Variants in TNXB observed in about 807,000 individuals in gnomAD.
TNXB encodes tenascin-X.
Under a neutral mutation model 340.5 loss-of-function variants are expected in TNXB, and 183 were observed. The ratio of observed to expected loss-of-function variants is 0.54; its 90% confidence interval spans 0.48 to 0.61. The LOEUF (loss-of-function observed/expected upper bound fraction) is 0.61, where lower values mean the gene tolerates loss of function less well. Ranked by LOEUF, TNXB falls within the 20% of genes least tolerant of loss-of-function variation. The pLI, the probability that TNXB is intolerant of heterozygous loss-of-function variation, is 0.00. For synonymous variants in TNXB, 2,121 were observed against 2,314.5 expected (o/e 0.92, Z 2.40); for missense variants, 4,613 against 5,446.4 (o/e 0.85, Z 4.82).
chr6:32,099,737 A>C (rs867667458), intron 1 of TNXB, among the ~76,000 whole-genome samples: 22 of 152,066 alleles, frequency 1.4e-4, no homozygotes, highest in Non-Finnish European at 2.2e-4. Context: ...AAAAAAAAAA[A>C]ACAAAAATCC....
At chr6:32,041,653 G>C in intron 43 of TNXB, 118 bp downstream of exon 43, 1 of 1,141,654 alleles carries the variant, frequency 8.8e-7, no homozygotes, top group Non-Finnish European at 1.3e-6. Context: ...TGCGAGGCTG[G>C]CATGATTGTT....
chr6:32,047,079 G>A lies in TNXB; in HGVS notation c.10325-623C>T, dbSNP rs148702503. 5.4e-3 allele frequency among the ~76,000 whole-genome samples: 817 copies of A among 152,368 alleles called. 3 individuals are homozygous for A. The highest frequency in any genetic ancestry group is 0.01 in the Middle Eastern group (3 of 294). On this transcript the variant is annotated intron_variant, in intron 30 of 43. Transcript: ENST00000644971. The surrounding 1 kb of genome is among the most constrained non-coding windows in gnomAD (Gnocchi z 6.2). ...CAGAGGGCAGAGCAGAGGCTTGCCC[G>A]GGTGGGGCTGGGGCCGATGGGTGGG... is the stretch of plus-strand genomic sequence containing the variant.
chr6:32,095,779 A>T lies in TNXB; in HGVS notation c.2074T>A (p.Cys692Ser). The change falls in exon 3 of 44, where the codon TGC becomes AGC. Residue 692 changes from cysteine (C) to serine (S), a missense_variant. Around this residue, in one of 7 missense-constraint regions of TNXB, gnomAD observed 4,327 missense variants for 4,859.4 expected, o/e 0.89. Transcript: ENST00000644971. ...GCCCGGCACAGTTCCCGGGGCCCGCAGCCTCCAGGGCAGGCGCTGGCTGGA... is the reference window on the plus strand; with the variant it reads ...GCCCGGCACAGTTCCCGGGGCCCGCTGCCTCCAGGGCAGGCGCTGGCTGGA... ...EPPASACPGG[C>S]GPRELCRAGQ... 6.2e-7 allele frequency: 1 copy of T among 1,613,602 alleles called. No individual in the cohort carries two copies. Among genetic ancestry groups the T allele is most frequent in the South Asian group, 1.1e-5 (1 of 91,050 alleles).
intron 26 of TNXB, among the ~76,000 whole-genome samples, chr6:32,050,819 T>C (rs968432730): frequency 4.6e-5 from 7 of 152,222 alleles, no homozygotes; most frequent in African/African-American, 1.7e-4. Context: ...CGATCCTAGT[T>C]TGAGCCACTG....
rs764965013 is a variant in TNXB at position 32,046,425 on chromosome 6, C to T, written c.10356G>A (p.Leu3452=). ...TCTCCTCAGCCACGGTCAGTTCCCC[C>T]AGGTGGGGAGGTAGCTCCTTCTCCA... The part of the protein sequence containing the change: ...APLEKELPPH[L]GELTVAEETS... The change falls in exon 31 of 44, where the codon CTG becomes CTA. Residue 3452 remains leucine, a synonymous_variant. Coordinates refer to ENST00000644971, the MANE Select transcript of TNXB (RefSeq NM_001365276.2). The surrounding 1 kb of genome is among the most constrained non-coding windows in gnomAD (Gnocchi z 6.9). 1.5e-5 allele frequency: 23 copies of T among 1,576,840 alleles called. No individual in the cohort carries two copies. The highest frequency in any genetic ancestry group is 1.9e-5 in the Non-Finnish European group (22 of 1,154,410).
At chr6:32,094,143 A>T (rs553001150) in intron 4 of TNXB, among the ~76,000 whole-genome samples, 5 of 147,800 alleles carry the variant, frequency 3.4e-5, no homozygotes, top group Non-Finnish European at 6.0e-5. Flanking sequence ...TTGGAGGGAG[A>T]CAGAGAAAAA....
chr6:32,106,558 T>G (rs914843342), intron 1 of TNXB, among the ~76,000 whole-genome samples: 2 of 152,080 alleles, frequency 1.3e-5, no homozygotes, highest in African/African-American at 4.8e-5. Flanking sequence ...TTCTCCTGGA[T>G]CAGAGAAAAA....
chr6:32,084,114 A>G lies in TNXB; in HGVS notation c.3445+299T>C, dbSNP rs1474604438. Among the ~76,000 whole-genome samples the G allele has an allele frequency of 6.6e-6, 1 of 152,150 alleles. No homozygotes were observed. Among genetic ancestry groups the G allele is most frequent in the Non-Finnish European group, 1.5e-5 (1 of 68,012 alleles). ...CCCAAGCCCCTCAGCACAGCACAGGAAGCCCTGAGACCAGGCCCTTTGGCA... is the reference window on the plus strand; with the variant it reads ...CCCAAGCCCCTCAGCACAGCACAGGGAGCCCTGAGACCAGGCCCTTTGGCA... On this transcript the variant is annotated intron_variant, in intron 8 of 43. Transcript: ENST00000644971. The surrounding 1 kb of genome is among the most constrained non-coding windows in gnomAD (Gnocchi z 5.5).
intron 4 of TNXB, 69 bp downstream of exon 4, chr6:32,095,007 C>G: frequency 7.6e-7 from 1 of 1,307,430 alleles, no homozygotes; most frequent in Non-Finnish European, 1.1e-6. Flanking sequence ...GGAACTTCCT[C>G]CAGGAGGTGA....
chr6:32,067,076 AAAAG>A lies in TNXB; in HGVS notation c.6544+581_6544+584del. Among the ~76,000 whole-genome samples the A allele has an allele frequency of 1.1e-5, 1 of 89,134 alleles. No individual in the cohort carries two copies. Among genetic ancestry groups the A allele is most frequent in the South Asian group, 5.2e-4 (1 of 1,906 alleles). 58.5% of individuals were successfully genotyped at this position (89,134 alleles called of 152,430 possible). ...AGGCGACAGAGTGAGACCTTGTCTA[AAAAG>A]AAAGAAAGAAAAGAATGAAAGAAAG... On this transcript the variant is annotated intron_variant, in intron 18 of 43. Transcript: ENST00000644971. The surrounding 1 kb of genome is among the most constrained non-coding windows in gnomAD (Gnocchi z 4.2).
At position 32,049,165 on chromosome 6, in the gene TNXB, A is replaced by G; in HGVS notation, c.9757+105T>C. The G allele has an allele frequency of 1.4e-6, 2 of 1,414,554 alleles. No homozygotes were observed. The highest frequency in any genetic ancestry group is 1.5e-5 in the South Asian group (1 of 68,278). The allele number at this position is 1,414,554 out of a possible 1,614,324, so 87.6% of individuals were successfully genotyped here. On this transcript the variant is annotated intron_variant, in intron 28 of 43. Coordinates refer to ENST00000644971, the MANE Select transcript of TNXB (RefSeq NM_001365276.2). The surrounding 1 kb of genome is among the most constrained non-coding windows in gnomAD (Gnocchi z 4.5). ...GATCATTAGCAACATGGGAGAAAAG[A>G]CAGAAACCTAGAGGCCCAGTCAAAA... is the stretch of plus-strand genomic sequence containing the variant.
chr6:32,068,191 A>G lies in TNXB; in HGVS notation c.6220+199T>C, dbSNP rs1168071224. Among the ~76,000 whole-genome samples the G allele has an allele frequency of 2.0e-5, 3 of 152,112 alleles. No homozygotes were observed. The highest frequency in any genetic ancestry group is 2.9e-5 in the Non-Finnish European group (2 of 67,994). On this transcript the variant is annotated intron_variant, in intron 17 of 43. Coordinates refer to ENST00000644971, the MANE Select transcript of TNXB (RefSeq NM_001365276.2). This position sits in a 1 kb window ranked among gnomAD's most constrained non-coding sequence, Gnocchi z 5.3. Reference sequence around the variant, plus strand: ...CCTGGGACAGCCACCAGCACAGCAAAATTCCCGATGGCCCCTCTCTGTTCA... The same window carrying G: ...CCTGGGACAGCCACCAGCACAGCAAGATTCCCGATGGCCCCTCTCTGTTCA...
At chr6:32,093,773 G>T (rs963186219) in intron 4 of TNXB, among the ~76,000 whole-genome samples, 2 of 152,102 alleles carry the variant, frequency 1.3e-5, no homozygotes, top group Non-Finnish European at 2.9e-5. Flanking sequence ...TTGTCCTTAG[G>T]GTGTTCCCTC....
Position 32,088,848 on chromosome 6 carries a change from C to A in TNXB, c.2716G>T (p.Val906Leu), listed in dbSNP as rs189944258. The A allele has an allele frequency of 5.0e-4, 791 of 1,584,344 alleles. 11 individuals are homozygous for A. In the African/African-American group the frequency reaches 8.9e-3, roughly 18 times the overall value. Residue 906 changes from valine (V) to leucine (L), a missense_variant, in exon 6 of 44, where the codon GTG (valine) becomes TTG (leucine). Val to Leu is a conservative substitution (Grantham distance 32). Around this residue, in one of 7 missense-constraint regions of TNXB, gnomAD observed 4,327 missense variants for 4,859.4 expected, o/e 0.89. Coordinates refer to ENST00000644971, the MANE Select transcript of TNXB (RefSeq NM_001365276.2). ...TDLMPGVEYVVTVTAERGRAV... is the reference protein window; with the variant it reads ...TDLMPGVEYVLTVTAERGRAV... The stretch of plus-strand genomic sequence containing the variant: ...CGGCCCCGCTCCGCTGTGACAGTCA[C>A]CACATATTCTACGCCTGGCATCAGG...
In TNXB at chr6:32,064,764, T is replaced by C; in HGVS notation, c.6841+57A>G. The C allele has an allele frequency of 6.4e-7, 1 of 1,574,562 alleles. No homozygotes were observed. The highest frequency in any genetic ancestry group is 8.6e-7 in the Non-Finnish European group (1 of 1,159,722). ...AAATAAAGCCACCAGATACTGACAA[T>C]AAAAGGGAAACTGAGTCTAGTTCAG... On this transcript the variant is annotated intron_variant, in intron 19 of 43. Coordinates refer to ENST00000644971, the MANE Select transcript of TNXB (RefSeq NM_001365276.2). The surrounding 1 kb of genome is among the most constrained non-coding windows in gnomAD (Gnocchi z 5.3).
At chr6:32,107,392 C>T (rs1781036454) in intron 1 of TNXB, among the ~76,000 whole-genome samples, 1 of 152,104 alleles carries the variant, frequency 6.6e-6, no homozygotes, top group Non-Finnish European at 1.5e-5. Flanking sequence ...AGGCTCCTTC[C>T]CAATCTCCCT....
Position 32,096,175 on chromosome 6 carries a change from G to A in TNXB, c.1678C>T (p.Pro560Ser). 6.4e-7 allele frequency: 1 copy of A among 1,573,140 alleles called. No individual in the cohort carries two copies. Among genetic ancestry groups the A allele is most frequent in the Non-Finnish European group, 8.6e-7 (1 of 1,161,874 alleles). The change falls in exon 3 of 44, where the codon CCC becomes TCC. Residue 560 changes from proline (P) to serine (S), a missense_variant. Physicochemically the swap from Pro to Ser is moderately conservative, Grantham distance 74. This residue lies in a region of TNXB where 4,327 missense variants were observed against 4,859.4 expected (regional missense o/e 0.89). Transcript: ENST00000644971. ...TGGCCGCGGCCTCGGCAGCCCCCGG[G>A]GCAGCTGCGCGTGCTGCAGTCTTCC... ...SGEDCSTRSC[P>S]GGCRGRGQCL...
At chr6:32,102,532 A>G (rs1780771285) in intron 1 of TNXB, among the ~76,000 whole-genome samples, 1 of 152,206 alleles carries the variant, frequency 6.6e-6, no homozygotes, top group Non-Finnish European at 1.5e-5. Context: ...ACAGAAAGAG[A>G]ATGCTCTTAT....
Position 32,056,640 on chromosome 6 carries a change from A to G in TNXB, c.8089T>C (p.Tyr2697His). 1.2e-6 allele frequency: 2 copies of G among 1,613,124 alleles called. No individual in the cohort carries two copies. Among genetic ancestry groups the G allele is most frequent in the Non-Finnish European group, 1.7e-6 (2 of 1,179,880 alleles). ...ACGCGCTGGCCACCGTGGAAGCCGT[A>G]CAGGTTCATCTTGTATTTATGGTCT... ...EPDHKYKMNL[Y>H]GFHGGQRVGP... Residue 2697 changes from tyrosine to histidine, a missense_variant, in exon 23 of 44, where the codon TAC becomes CAC. This residue lies in a region of TNXB where 4,327 missense variants were observed against 4,859.4 expected (regional missense o/e 0.89). Coordinates refer to ENST00000644971, the MANE Select transcript of TNXB (RefSeq NM_001365276.2).
Sources: allele counts gnomAD v4.1 joint callset (sites outside exome capture counted in the v4.1 genomes callset), GRCh38; gene constraint gnomAD v4.1.1; regional missense constraint gnomAD v4.1.1; non-coding constraint Gnocchi (gnomAD v3.1); transcripts MANE v1.5; gene names NCBI Gene and HGNC (gene_info 2026-07-23, HGNC 2026-07-21).